The following TINAG variants were observed in gnomAD, a reference collection of about 807,000 sequenced individuals.
TINAG encodes the protein tubulointerstitial nephritis antigen.
In TINAG, 83 loss-of-function variants were observed where a neutral mutation model predicts 72.7. The ratio of observed to expected loss-of-function variants is 1.14; its 90% CI spans 0.96 to 1.37. The LOEUF (loss-of-function observed/expected upper bound fraction) is 1.37. Among genes scored for constraint, TINAG ranks in the 40% most tolerant of loss-of-function variants. The probability of loss-of-function intolerance (pLI) is 0.00; values close to 1 mark genes in which losing one functional copy is unlikely to be tolerated. For missense variants in TINAG, 685 were observed against 576.6 expected (o/e 1.19, Z -1.93); for synonymous variants, 234 against 189.9 (o/e 1.23, Z -1.91).
At position 54,326,140 on chromosome 6, in the gene TINAG, A is replaced by G. The variant is rs3798275; in HGVS notation, c.510-662A>G. ...CTTCAAATTTCAATATTAAATTTTG[A>G]AGAGAATTTTTTTTCTAATTAAGGG... On this transcript the variant is annotated intron_variant, in intron 3 of 10. Coordinates refer to ENST00000259782, the MANE Select transcript of TINAG (RefSeq NM_014464.4). 9.8e-3 allele frequency among the ~76,000 whole-genome samples: 1,484 copies of G among 152,052 alleles called. 38 individuals are homozygous for G. Among genetic ancestry groups the G allele is most frequent in the East Asian group, 0.062 (323 of 5,168 alleles).
At chr6:54,347,334 T>C in intron 5 of TINAG, 33 bp from the exon 6 acceptor site, 2 of 1,608,748 alleles carry the variant, frequency 1.2e-6, no homozygotes, top group African/African-American at 2.7e-5. Flanking sequence ...CCGTGTATCA[T>C]TTCAATATTA....
chr6:54,345,989 T>G (rs1450508432), intron 5 of TINAG, among the ~76,000 whole-genome samples: 1 of 152,048 alleles, frequency 6.6e-6, no homozygotes, highest in African/African-American at 2.4e-5. Flanking sequence ...GAAAGGTTAT[T>G]ATTTTGTTGC....
rs140298938 is a variant in TINAG at position 54,354,573 on chromosome 6, C to T, written c.1187C>T (p.Thr396Ile). 15 of 1,610,278 alleles carry T rather than the reference C, an allele frequency of 9.3e-6. No individual in the cohort carries two copies. In the African/African-American group the frequency reaches 1.7e-4, roughly 19 times the overall value. The change falls in exon 9 of 11, where the codon ACC (threonine) becomes ATC (isoleucine). Residue 396 changes from threonine to isoleucine, a missense_variant. Coordinates refer to ENST00000259782, the MANE Select transcript of TINAG (RefSeq NM_014464.4). ...AAGACAGGGATATACAGACATGTTA[C>T]CAGCACAAATAAAGAATCAGAAAAA... is the stretch of plus-strand genomic sequence containing the variant. ...HYKTGIYRHV[T>I]STNKESEKYR...
intron 4 of TINAG, among the ~76,000 whole-genome samples, chr6:54,335,099 T>C (rs766649035): frequency 5.3e-5 from 8 of 152,218 alleles, no homozygotes; most frequent in African/African-American, 1.7e-4. Flanking sequence ...CACTCACTTA[T>C]GTGTCTCTAT....
chr6:54,313,234 T>A (rs1251244578), intron 1 of TINAG, among the ~76,000 whole-genome samples: 1 of 152,188 alleles, frequency 6.6e-6, no homozygotes, highest in African/African-American at 2.4e-5. Flanking sequence ...GAAGTTAATA[T>A]GTATTAGTAA....
At chr6:54,372,008 T>TTTTTGATGG (rs1763631576) in intron 9 of TINAG, among the ~76,000 whole-genome samples, 1 of 119,854 alleles carries the variant, frequency 8.3e-6, no homozygotes, top group Non-Finnish European at 1.7e-5. Flanking sequence ...TTTTTTTTTT[T>TTTTTGATGG]GAGATGGAGT....
intron 9 of TINAG, among the ~76,000 whole-genome samples, chr6:54,364,833 G>A (rs968304287): frequency 1.3e-5 from 2 of 151,042 alleles, no homozygotes; most frequent in African/African-American, 2.4e-5. Context: ...TTGCCCTTTA[G>A]GAGAGCAGAA....
chr6:54,354,015 C>A (rs1785330393), intron 8 of TINAG, among the ~76,000 whole-genome samples: 1 of 151,832 alleles, frequency 6.6e-6, no homozygotes, highest in Admixed American at 6.6e-5. Context: ...GGATGAAATT[C>A]TGTCAAAGTT....
chr6:54,309,199 CTCTT>C (rs1784182540), intron 1 of TINAG, among the ~76,000 whole-genome samples: 2 of 152,096 alleles, frequency 1.3e-5, no homozygotes, highest in Admixed American at 6.5e-5. Flanking sequence ...TTACTTTAAA[CTCTT>C]TCTTCTGTTC....
intron 9 of TINAG, among the ~76,000 whole-genome samples, chr6:54,365,014 T>C (rs1763362721): frequency 6.6e-6 from 1 of 151,550 alleles, no homozygotes; most frequent in South Asian, 2.1e-4. Context: ...CTTTTTCCTC[T>C]GTCTTTTTGA....
intron 4 of TINAG, among the ~76,000 whole-genome samples, chr6:54,340,948 A>T (rs909902947): frequency 3.3e-5 from 5 of 152,160 alleles, no homozygotes; most frequent in Admixed American, 3.3e-4. Flanking sequence ...ATTATTAAAT[A>T]TTTATTGCAT....
At chr6:54,307,903 G>A (rs1449418977), upstream of TINAG, 1 of 766,980 alleles carries the variant, frequency 1.3e-6, no homozygotes, top group Non-Finnish European at 2.1e-6. Context: ...GAGAACTAAG[G>A]TCACCCTCAG....
At chr6:54,388,855 G>A (rs1380349555) in intron 10 of TINAG, among the ~76,000 whole-genome samples, 1 of 151,608 alleles carries the variant, frequency 6.6e-6, no homozygotes, top group East Asian at 1.9e-4. Context: ...TTTACTTTCT[G>A]AAGATTTCTC....
chr6:54,338,544 A>G (rs1386778043), intron 4 of TINAG, among the ~76,000 whole-genome samples: 1 of 151,718 alleles, frequency 6.6e-6, no homozygotes, highest in African/African-American at 2.4e-5. Context: ...ACACGGTGAA[A>G]CCCCGTTTGT....
At chr6:54,338,927 G>A (rs1434509658) in intron 4 of TINAG, among the ~76,000 whole-genome samples, 2 of 151,844 alleles carry the variant, frequency 1.3e-5, no homozygotes, top group Admixed American at 6.6e-5. Context: ...TTTCAAAACC[G>A]GTGTTTCTCA....
rs1582686103 is a variant in TINAG at position 54,308,475 on chromosome 6, G to T, written c.-76G>T. ...GAAGTGTCTTAATGACTAGAATTCAGGTTCCAAGGAGAAGCCCACAAGGCT... is the reference window on the plus strand; with the variant it reads ...GAAGTGTCTTAATGACTAGAATTCATGTTCCAAGGAGAAGCCCACAAGGCT... On this transcript the variant is annotated 5_prime_UTR_variant, in exon 1 of 11. In the 5' UTR this introduces an upstream ATG that the reference lacks. Transcript: ENST00000259782. 7.9e-7 allele frequency: 1 copy of T among 1,266,136 alleles called. No homozygotes were observed. 78.4% of individuals were successfully genotyped at this position (1,266,136 alleles called of 1,614,324 possible).
At chr6:54,360,841 G>GTTTTATTTTTTTTTTTTTTTTTTTT (rs1763205728) in intron 9 of TINAG, among the ~76,000 whole-genome samples, 1 of 26,242 alleles carries the variant, frequency 3.8e-5, no homozygotes, top group Non-Finnish European at 8.5e-5. Flanking sequence ...CAGATACTGT[G>GTTTTATTTTTTTTTTTTTTTTTTTT]TTTTTTTTTT....
At chr6:54,316,325 T>A (rs1007133090) in intron 1 of TINAG, among the ~76,000 whole-genome samples, 1 of 152,124 alleles carries the variant, frequency 6.6e-6, no homozygotes, top group Admixed American at 6.6e-5. Flanking sequence ...TTTTAGGTAA[T>A]CCTCATAAGT....
intron 9 of TINAG, among the ~76,000 whole-genome samples, chr6:54,362,752 T>C (rs1343724277): frequency 6.6e-6 from 1 of 151,380 alleles, no homozygotes; most frequent in African/African-American, 2.4e-5. Flanking sequence ...GCATTCTAGA[T>C]GCCATTAAGA....
Sources: gnomAD v4.1 joint callset for allele counts (sites outside exome capture counted in the v4.1 genomes callset) on GRCh38, gnomAD v4.1.1 for gene constraint, MANE v1.5 for transcripts, NCBI Gene and HGNC (gene_info 2026-07-23, HGNC 2026-07-21) for gene names.